Variants in EML1 observed in about 807,000 individuals in gnomAD.
The protein encoded by EML1 is EMAP like 1.
A neutral mutation model predicts 110.4 loss-of-function variants in EML1; 27 were observed. That is an observed-to-expected ratio of 0.24 (90% CI 0.18 to 0.34). EML1 has a LOEUF of 0.34. Ranked by LOEUF, EML1 falls within the 10% of genes least tolerant of loss-of-function variation. The pLI is 1.00. For missense variants in EML1, 741 were observed against 1,030.9 expected (o/e 0.72, Z 3.85); for synonymous variants, 344 against 385.8 (o/e 0.89, Z 1.27).
At chr14:99,824,762 TCCTCCCCCCTCCTAC>T (rs1434025869) in intron 1 of EML1, among the ~76,000 whole-genome samples, 7 of 151,098 alleles carry the variant, frequency 4.6e-5, no homozygotes, top group African/African-American at 1.7e-4. Context: ...CGATTTTCAA[TCCTCCCCCCTCCTAC>T]CCTCCACCCT....
intron 1 of EML1, among the ~76,000 whole-genome samples, chr14:99,823,717 A>G (rs1238054495): frequency 6.6e-6 from 1 of 152,102 alleles, no homozygotes; most frequent in African/African-American, 2.4e-5. Flanking sequence ...GACAGTGGGC[A>G]AGCAAGCAGA....
chr14:99,807,463 G>T (rs919114564), intron 1 of EML1, among the ~76,000 whole-genome samples: 1 of 152,200 alleles, frequency 6.6e-6, no homozygotes, highest in Non-Finnish European at 1.5e-5. Flanking sequence ...CTGTTGTGAA[G>T]GTTGGTGCAA....
At chr14:99,928,732 G>C (rs1045516002) in intron 17 of EML1, among the ~76,000 whole-genome samples, 2 of 152,102 alleles carry the variant, frequency 1.3e-5, no homozygotes, top group African/African-American at 4.8e-5. Context: ...AGTGGGACGT[G>C]TCCTCGAGCT....
intron 3 of EML1, 116 bp from the exon 4 acceptor site, chr14:99,878,369 C>G: frequency 6.9e-7 from 1 of 1,444,316 alleles, no homozygotes; most frequent in Non-Finnish European, 9.3e-7. Context: ...GTTGCTAGGC[C>G]TGTCTTTTGA....
chr14:99,926,283 G>GTT (rs145719667), intron 17 of EML1, among the ~76,000 whole-genome samples: 48 of 130,390 alleles, frequency 3.7e-4, no homozygotes, highest in Admixed American at 4.9e-4. Context: ...TGTTTTTTGG[G>GTT]GTTTTTTTTT....
intron 9 of EML1, among the ~76,000 whole-genome samples, chr14:99,902,548 C>G (rs1402372132): frequency 6.6e-6 from 1 of 152,210 alleles, no homozygotes; most frequent in African/African-American, 2.4e-5. Flanking sequence ...CAAACCATAA[C>G]AGGACTGATT....
chr14:99,887,429 A>G (rs988499753), intron 4 of EML1, among the ~76,000 whole-genome samples: 3 of 152,160 alleles, frequency 2.0e-5, no homozygotes, highest in African/African-American at 4.8e-5. Flanking sequence ...CTTCAGGGGC[A>G]GGTGCAGGAC....
chr14:99,910,123 C>T (rs1037850289), intron 11 of EML1, 119 bp from the exon 12 acceptor site: 1 of 671,686 alleles, frequency 1.5e-6, no homozygotes. Context: ...GAAGCTGACA[C>T]TATCCAGCTT....
intron 1 of EML1, among the ~76,000 whole-genome samples, chr14:99,796,770 C>T (rs563499209): frequency 2.0e-5 from 3 of 151,902 alleles, no homozygotes; most frequent in Admixed American, 1.3e-4. Flanking sequence ...ATATTTTCTT[C>T]GAGGCCTCAT....
chr14:99,928,525 G>C (rs1262103234), intron 17 of EML1, among the ~76,000 whole-genome samples: 1 of 152,060 alleles, frequency 6.6e-6, no homozygotes, highest in East Asian at 1.9e-4. Flanking sequence ...CACAGGGTAG[G>C]GGATTGTCTT....
chr14:99,929,428 G>A (rs1347332782), intron 17 of EML1, among the ~76,000 whole-genome samples: 1 of 152,190 alleles, frequency 6.6e-6, no homozygotes, highest in Non-Finnish European at 1.5e-5. Flanking sequence ...CACCCAGATG[G>A]TGGACTCAGA....
chr14:99,741,686 C>A (rs1476585317), intron 1 of EML1, among the ~76,000 whole-genome samples: 5 of 151,990 alleles, frequency 3.3e-5, no homozygotes, highest in African/African-American at 1.2e-4. Flanking sequence ...CGTCCACCTT[C>A]TCTTCCTGTC....
chr14:99,786,951 A>T (rs2057607321), intron 1 of EML1, among the ~76,000 whole-genome samples: 2 of 152,140 alleles, frequency 1.3e-5, no homozygotes, highest in Non-Finnish European at 2.9e-5. Context: ...GACCAGACAA[A>T]AGTAGGATTG....
chr14:99,936,958 GCCTCGCTGCTC>G lies in EML1; in HGVS notation c.2095+627_2095+637del, dbSNP rs2060485117. 1.3e-5 allele frequency among the ~76,000 whole-genome samples: 2 copies of G among 152,240 alleles called. No homozygotes were observed. Reference sequence around the variant, plus strand: ...AGGGCGGCGCGTGGGCACAAGGAAGGCCTCGCTGCTCCCCTGCTGGAAGTTACTGGAAAGCG... The same window carrying G: ...AGGGCGGCGCGTGGGCACAAGGAAGGCCCTGCTGGAAGTTACTGGAAAGCG... On this transcript the variant is annotated intron_variant, in intron 19 of 21. Coordinates refer to ENST00000262233, the MANE Select transcript of EML1 (RefSeq NM_004434.3). The surrounding 1 kb of genome is among the most constrained non-coding windows in gnomAD (Gnocchi z 5.5).
chr14:99,756,667 C>T (rs901008618), intron 1 of EML1, among the ~76,000 whole-genome samples: 2 of 152,166 alleles, frequency 1.3e-5, no homozygotes, highest in African/African-American at 4.8e-5. Context: ...GCACTGCAGT[C>T]GCCTGGAGGT....
chr14:99,753,003 G>A (rs571170453), intron 1 of EML1, among the ~76,000 whole-genome samples: 109 of 152,192 alleles, frequency 7.2e-4, no homozygotes, highest in African/African-American at 2.5e-3. Context: ...TTTATTCCCC[G>A]CCCTGGCATC....
At chr14:99,791,190 C>T (rs1461657129), upstream of EML1, among the ~76,000 whole-genome samples, 4 of 152,160 alleles carry the variant, frequency 2.6e-5, no homozygotes, top group African/African-American at 9.7e-5. Context: ...CGTGCATGTA[C>T]CTGCCCTCTC....
chr14:99,928,303 G>A (rs1481442640), intron 17 of EML1, among the ~76,000 whole-genome samples: 1 of 149,618 alleles, frequency 6.7e-6, no homozygotes, highest in Admixed American at 6.7e-5. Flanking sequence ...CTGTGTTCCT[G>A]TCTGTTATAT....
chr14:99,877,226 C>A (rs1425461112), intron 3 of EML1, among the ~76,000 whole-genome samples: 1 of 152,068 alleles, frequency 6.6e-6, no homozygotes, highest in African/African-American at 2.4e-5. Context: ...GGGCCTCTTC[C>A]ATAAGGGCAC....
Sources: gnomAD v4.1 joint callset for allele counts (sites outside exome capture counted in the v4.1 genomes callset) on GRCh38, gnomAD v4.1.1 for gene constraint, Gnocchi (gnomAD v3.1) non-coding constraint, MANE v1.5 for transcripts, NCBI Gene and HGNC (gene_info 2026-07-23, HGNC 2026-07-21) for gene names.